The following SCAPER variants were observed in gnomAD, a reference collection of about 807,000 sequenced individuals.
The protein encoded by SCAPER is S-phase cyclin A associated protein in the ER, also known as S phase cyclin A-associated protein in the endoplasmic reticulum.
In SCAPER, 98 loss-of-function variants were observed where a neutral mutation model predicts 182.2. That is an observed-to-expected ratio of 0.54 (90% confidence interval 0.46 to 0.64). The LOEUF (loss-of-function observed/expected upper bound fraction) is 0.64, where lower values mean the gene tolerates loss of function less well. Among genes scored for constraint, SCAPER ranks in the 30% least tolerant of loss-of-function variants. The pLI, the probability that SCAPER is intolerant of heterozygous loss-of-function variation, is 0.00. For missense variants in SCAPER, 1,432 were observed against 1,690.0 expected (o/e 0.85, Z 2.68); for synonymous variants, 605 against 564.6 (o/e 1.07, Z -1.01).
At chr15:76,463,312 G>A (rs530225095) in intron 25 of SCAPER, among the ~76,000 whole-genome samples, 1 of 152,258 alleles carries the variant, frequency 6.6e-6, no homozygotes, top group South Asian at 2.1e-4. Flanking sequence ...GTGGTGAATG[G>A]AGAGTTCCAG....
chr15:76,742,834 C>T (rs1421377946), intron 15 of SCAPER, among the ~76,000 whole-genome samples: 2 of 151,886 alleles, frequency 1.3e-5, no homozygotes, highest in African/African-American at 4.8e-5. Context: ...GGAAAGTACA[C>T]TTATAGTAAA....
intron 8 of SCAPER, among the ~76,000 whole-genome samples, chr15:76,785,752 T>C (rs970641896): frequency 1.3e-5 from 2 of 152,060 alleles, no homozygotes; most frequent in African/African-American, 4.8e-5. Context: ...CTGGAAACCA[T>C]CATTCTCAGC....
At chr15:76,375,170 ATCAT>A (rs2042462569) in intron 29 of SCAPER, among the ~76,000 whole-genome samples, 1 of 139,084 alleles carries the variant, frequency 7.2e-6, no homozygotes, top group Admixed American at 8.3e-5. Context: ...GTGAGCCATG[ATCAT>A]GCCACTGCAC....
At chr15:76,748,851 C>G (rs7167613) in intron 15 of SCAPER, among the ~76,000 whole-genome samples, 2 of 151,272 alleles carry the variant, frequency 1.3e-5, no homozygotes, top group Non-Finnish European at 2.9e-5. Flanking sequence ...TAAATTAAAG[C>G]AATAAAACTT....
intron 5 of SCAPER, among the ~76,000 whole-genome samples, chr15:76,806,765 G>T (rs1216549606): frequency 6.6e-6 from 1 of 152,088 alleles, no homozygotes; most frequent in Non-Finnish European, 1.5e-5. Context: ...TATAGTTTGT[G>T]TGTACATCTT....
At chr15:76,622,541 A>T (rs892809815) in intron 21 of SCAPER, among the ~76,000 whole-genome samples, 3 of 152,326 alleles carry the variant, frequency 2.0e-5, no homozygotes, top group Non-Finnish European at 2.9e-5. Context: ...GGAATAAAAT[A>T]AAAAAGTACA....
chr15:76,612,362 C>G (rs943605508), intron 22 of SCAPER, among the ~76,000 whole-genome samples: 2 of 152,086 alleles, frequency 1.3e-5, no homozygotes. Context: ...CTCAGCCTCC[C>G]GAGTAGCTGA....
At chr15:76,514,133 G>A (rs921724686) in intron 23 of SCAPER, among the ~76,000 whole-genome samples, 18 of 152,044 alleles carry the variant, frequency 1.2e-4, no homozygotes, top group African/African-American at 2.2e-4. Flanking sequence ...GTGAATTCCC[G>A]TTTACCCCTT....
chr15:76,903,500 G>A (rs956759234), intron 1 of SCAPER, among the ~76,000 whole-genome samples: 2 of 152,204 alleles, frequency 1.3e-5, no homozygotes, highest in East Asian at 3.8e-4. Flanking sequence ...AGAGGCCAGA[G>A]AGAGACCCCT....
rs561331843 is a variant in SCAPER at position 76,428,893 on chromosome 15, T to TATATATATATATATATATATAA, written c.3311+5184_3311+5185insTTATATATATATATATATATAT. Among the ~76,000 whole-genome samples, 59 of 139,548 alleles carry TATATATATATATATATATATAA rather than the reference T, an allele frequency of 4.2e-4. 3 individuals are homozygous for TATATATATATATATATATATAA. The highest frequency in any genetic ancestry group is 1.4e-3 in the African/African-American group (53 of 37,296). 91.5% of individuals were successfully genotyped at this position (139,548 alleles called of 152,430 possible). On this transcript the variant is annotated intron_variant, in intron 26 of 31. Coordinates refer to ENST00000563290, the MANE Select transcript of SCAPER (RefSeq NM_020843.4). ...ATATATATATATATATATATATATA[T>TATATATATATATATATATATAA]AAACATCAAAATGTACTCAGTAAGT...
At chr15:76,686,106 G>T (rs1342471895) in intron 20 of SCAPER, among the ~76,000 whole-genome samples, 5 of 151,684 alleles carry the variant, frequency 3.3e-5, no homozygotes, top group Non-Finnish European at 5.9e-5. Flanking sequence ...TTTCCTAATA[G>T]ATATAAGAAT....
intron 26 of SCAPER, among the ~76,000 whole-genome samples, chr15:76,414,729 G>C (rs185175546): frequency 1.3e-5 from 2 of 152,130 alleles, no homozygotes; most frequent in East Asian, 3.9e-4. Context: ...GTCTAACGGA[G>C]TTTCAAAATA....
At chr15:76,664,201 AGT>A (rs1353012717) in intron 21 of SCAPER, among the ~76,000 whole-genome samples, 4 of 152,180 alleles carry the variant, frequency 2.6e-5, no homozygotes, top group Non-Finnish European at 5.9e-5. Context: ...TTGTGGCTGC[AGT>A]GTTTAGAATA....
At chr15:76,484,856 T>C (rs1173583510) in intron 24 of SCAPER, among the ~76,000 whole-genome samples, 4 of 36,974 alleles carry the variant, frequency 1.1e-4, no homozygotes, top group African/African-American at 1.7e-4. Flanking sequence ...AAGTTCAACA[T>C]CCATTCATGT....
At position 76,712,413 on chromosome 15, in the gene SCAPER, C is replaced by T. The variant is rs1313072032; in HGVS notation, c.2166-6429G>A. On this transcript the variant is annotated intron_variant, in intron 17 of 31. Coordinates refer to ENST00000563290, the MANE Select transcript of SCAPER (RefSeq NM_020843.4). ...TTCTTTTGGCTTAGGATTGACTTGG[C>T]GATGCGGGCTCTTTTTTGGTTCCAT... is the stretch of plus-strand genomic sequence containing the variant. 2.6e-4 allele frequency among the ~76,000 whole-genome samples: 39 copies of T among 152,206 alleles called. No individual in the cohort carries two copies. The South Asian group carries it at 5.8e-3, about 23-fold the overall frequency.
At chr15:76,866,445 A>C (rs2072309608) in intron 2 of SCAPER, among the ~76,000 whole-genome samples, 1 of 152,182 alleles carries the variant, frequency 6.6e-6, no homozygotes, top group Admixed American at 6.5e-5. Flanking sequence ...TTTCAGCTCC[A>C]CTATAAATTT....
chr15:76,548,468 G>A (rs2045479694), intron 23 of SCAPER, among the ~76,000 whole-genome samples: 1 of 152,174 alleles, frequency 6.6e-6, no homozygotes, highest in Non-Finnish European at 1.5e-5. Flanking sequence ...ATAGAATGAT[G>A]TTTTGTTTCC....
At chr15:76,806,653 C>T (rs1438565119) in intron 5 of SCAPER, among the ~76,000 whole-genome samples, 4 of 152,218 alleles carry the variant, frequency 2.6e-5, no homozygotes, top group Non-Finnish European at 5.9e-5. Flanking sequence ...GCCATCTTAA[C>T]ACTATGAAGT....
intron 15 of SCAPER, among the ~76,000 whole-genome samples, chr15:76,740,474 C>T (rs1224491722): frequency 6.6e-6 from 1 of 152,150 alleles, no homozygotes; most frequent in Non-Finnish European, 1.5e-5. Context: ...ATTTTTCAAG[C>T]TTCCATGCAG....
Sources: allele counts gnomAD v4.1 joint callset (sites outside exome capture counted in the v4.1 genomes callset), GRCh38; gene constraint gnomAD v4.1.1; transcripts MANE v1.5; gene names NCBI Gene and HGNC (gene_info 2026-07-23, HGNC 2026-07-21).